Variants in SH3TC2 observed in about 807,000 individuals in gnomAD.
SH3TC2 encodes the protein SH3 domain and tetratricopeptide repeat-containing protein 2.
A neutral mutation model predicts 124.5 loss-of-function variants in SH3TC2; 87 were observed. The ratio of observed to expected loss-of-function variants is 0.70; its 90% confidence interval spans 0.59 to 0.84. SH3TC2 has a LOEUF of 0.84. Ranked by LOEUF, SH3TC2 falls within the 40% of genes least tolerant of loss-of-function variation. The pLI, the probability that SH3TC2 is intolerant of heterozygous loss-of-function variation, is 0.00. For missense variants in SH3TC2, 1,536 were observed against 1,566.4 expected, an observed-to-expected ratio of 0.98 and a Z score of 0.33; for synonymous variants, 634 against 628.5, an observed-to-expected ratio of 1.01 and a Z score of -0.13.
In SH3TC2 at chr5:148,984,626, G is replaced by A. The variant is rs1753304148; in HGVS notation, c.*20085C>T. 1.3e-5 allele frequency among the ~76,000 whole-genome samples: 2 copies of A among 152,092 alleles called. No homozygotes were observed. The highest frequency in any genetic ancestry group is 4.8e-5 in the African/African-American group (2 of 41,416). On this transcript the variant is annotated 3_prime_UTR_variant, in exon 17 of 17. Transcript: ENST00000515425. ...CAATGCTTCATATATCTCCAAGGTT[G>A]GTCTTTCAGGTTGGCATATAGGAAG...
At chr5:149,009,414 A>T (rs1398968993) in intron 14 of SH3TC2, among the ~76,000 whole-genome samples, 2 of 152,210 alleles carry the variant, frequency 1.3e-5, no homozygotes, top group African/African-American at 4.8e-5. Context: ...TTTTATCATG[A>T]TAGAATTTTA....
At position 149,044,643 on chromosome 5, in the gene SH3TC2, G is replaced by C; in HGVS notation, c.280-5C>G. 6.2e-7 allele frequency: 1 copy of C among 1,610,950 alleles called. No individual in the cohort carries two copies. The highest frequency in any genetic ancestry group is 8.5e-7 in the Non-Finnish European group (1 of 1,177,166). Reference sequence around the variant, plus strand: ...GACCAACCTTGCTGAGAGGTCCTACGTAAAGGAAACAATGAGTCAGCCTGG... The same window carrying C: ...GACCAACCTTGCTGAGAGGTCCTACCTAAAGGAAACAATGAGTCAGCCTGG... On this transcript the variant is annotated splice_polypyrimidine_tract_variant and splice_region_variant and intron_variant, in intron 3 of 16. Coordinates refer to ENST00000515425, the MANE Select transcript of SH3TC2 (RefSeq NM_024577.4).
At position 149,023,583 on chromosome 5, in the gene SH3TC2, C is replaced by CT. The variant is rs5872108; in HGVS notation, c.3053+2988dup. On this transcript the variant is annotated intron_variant, in intron 12 of 16. Coordinates refer to ENST00000515425, the MANE Select transcript of SH3TC2 (RefSeq NM_024577.4). The stretch of plus-strand genomic sequence containing the variant: ...TATAACCTTCAATAATAGTGTAATC[C>CT]TTTTTTTTTTTTTTTTTTGAGAGAC... 3.4e-4 allele frequency among the ~76,000 whole-genome samples: 36 copies of CT among 107,234 alleles called. 2 individuals carry two copies. Among genetic ancestry groups the CT allele is most frequent in the East Asian group, 1.2e-3 (5 of 4,014 alleles). 70.3% of individuals were successfully genotyped at this position (107,234 alleles called of 152,430 possible). A position where few individuals can be genotyped will look rare whatever the true frequency, so the allele number is the denominator to read the frequency against.
chr5:148,987,809 C>CTG lies in SH3TC2; in HGVS notation c.*16900_*16901dup, dbSNP rs71957589. 0.18 allele frequency among the ~76,000 whole-genome samples: 24,486 copies of CTG among 135,148 alleles called. 2,175 individuals carry two copies. The highest frequency in any genetic ancestry group is 0.19 in the Non-Finnish European group (12,203 of 63,188). The allele number at this position is 135,148 out of a possible 152,430, so 88.7% of individuals were successfully genotyped here. On this transcript the variant is annotated 3_prime_UTR_variant, in exon 17 of 17. Coordinates refer to ENST00000515425, the MANE Select transcript of SH3TC2 (RefSeq NM_024577.4). Reference sequence around the variant, plus strand: ...CCTCACTCGAGGCCTCATTCAAAATCTGTGTGTGTGTGTGTGTGTGTGTGT... The same window carrying CTG: ...CCTCACTCGAGGCCTCATTCAAAATCTGTGTGTGTGTGTGTGTGTGTGTGTGT...
intron 7 of SH3TC2, among the ~76,000 whole-genome samples, chr5:149,039,284 G>A (rs183320731): frequency 7.2e-5 from 11 of 152,284 alleles, no homozygotes; most frequent in Non-Finnish European, 1.3e-4. Flanking sequence ...CAAAGGGCAC[G>A]GAAACTATCA....
intron 8 of SH3TC2, among the ~76,000 whole-genome samples, chr5:149,037,551 T>A (rs1242919994): frequency 6.6e-6 from 1 of 152,196 alleles, no homozygotes; most frequent in African/African-American, 2.4e-5. Context: ...TGGGGCCACA[T>A]TTTCCCAGTG....
intron 3 of SH3TC2, chr5:149,047,200 T>G (rs1488846413): frequency 6.5e-6 from 1 of 153,168 alleles, no homozygotes. Flanking sequence ...CTACCTACTA[T>G]GAAAGATGAG....
intron 1 of SH3TC2, among the ~76,000 whole-genome samples, chr5:149,060,906 CA>C (rs1754735482): frequency 1.3e-5 from 2 of 152,214 alleles, no homozygotes; most frequent in South Asian, 4.1e-4. Context: ...CAAGGTCACA[CA>C]ACTATTAAGT....
intron 1 of SH3TC2, among the ~76,000 whole-genome samples, chr5:149,061,687 G>A (rs1048525123): frequency 6.6e-6 from 1 of 152,182 alleles, no homozygotes; most frequent in Non-Finnish European, 1.5e-5. Flanking sequence ...GAGTAGCCAA[G>A]ATGACAACTG....
At chr5:149,012,148 A>C (rs1172599409) in intron 13 of SH3TC2, among the ~76,000 whole-genome samples, 2 of 152,172 alleles carry the variant, frequency 1.3e-5, no homozygotes, top group Non-Finnish European at 2.9e-5. Context: ...ACTGTACCAC[A>C]TCTCTGATAT....
At position 148,985,778 on chromosome 5, in the gene SH3TC2, T is replaced by A. The variant is rs1189096423; in HGVS notation, c.*18933A>T. On this transcript the variant is annotated 3_prime_UTR_variant, in exon 17 of 17. Transcript: ENST00000515425. The stretch of plus-strand genomic sequence containing the variant: ...TGTATGTTTAATTTATAAGAAACTA[T>A]CAAAGCATTTTCCAAAACAGCTGTT... Among the ~76,000 whole-genome samples, 1 of 152,186 alleles carries A rather than the reference T, an allele frequency of 6.6e-6. No homozygotes were observed. Among genetic ancestry groups the A allele is most frequent in the Non-Finnish European group, 1.5e-5 (1 of 68,014 alleles).
At chr5:149,062,456 A>C in intron 1 of SH3TC2, 2 of 489,654 alleles carry the variant, frequency 4.1e-6, no homozygotes, top group Non-Finnish European at 8.4e-6. Context: ...ACAACTCTCC[A>C]TTGCCTCAAC....
intron 16 of SH3TC2, chr5:149,006,271 A>C: frequency 6.2e-6 from 1 of 160,460 alleles, no homozygotes; most frequent in Non-Finnish European, 1.4e-5. Context: ...AAAAAAAGCA[A>C]GCAAGCAAAA....
In SH3TC2 at chr5:148,987,783, T is replaced by C. The variant is rs760134609; in HGVS notation, c.*16928A>G. Among the ~76,000 whole-genome samples the C allele has an allele frequency of 1.1e-3, 166 of 151,304 alleles. No individual in the cohort carries two copies. The highest frequency in any genetic ancestry group is 3.4e-3 in the Middle Eastern group (1 of 294). ...AGCATGGGAAGCTCACCAAGTCATG[T>C]CCTCACTCGAGGCCTCATTCAAAAT... is the stretch of plus-strand genomic sequence containing the variant. On this transcript the variant is annotated 3_prime_UTR_variant, in exon 17 of 17. Coordinates refer to ENST00000515425, the MANE Select transcript of SH3TC2 (RefSeq NM_024577.4).
chr5:149,044,068 T>G (rs1304701218), intron 4 of SH3TC2: 1 of 184,896 alleles, frequency 5.4e-6, no homozygotes, highest in Non-Finnish European at 1.1e-5. Flanking sequence ...TAGGTTGCTA[T>G]AAGCAGATAA....
chr5:149,028,459 A>G lies in SH3TC2; in HGVS notation c.1273T>C (p.Ser425Pro). 2 of 1,612,924 alleles carry G rather than the reference A, an allele frequency of 1.2e-6. No individual in the cohort carries two copies. The highest frequency in any genetic ancestry group is 1.1e-5 in the South Asian group (1 of 91,006). Residue 425 changes from serine (S) to proline (P), a missense_variant, in exon 11 of 17, where the codon TCC (serine) becomes CCC (proline). Ser to Pro is a moderately conservative substitution (Grantham distance 74). Transcript: ENST00000515425. ...GSRQSSSSED[S>P]SLEEELLSAT... ...GAGAGGAGCTCCTCCTCCAGGCTGGAGTCCTCAGAGCTGCTGGACTGTCTG... is the reference window on the plus strand; with the variant it reads ...GAGAGGAGCTCCTCCTCCAGGCTGGGGTCCTCAGAGCTGCTGGACTGTCTG...
chr5:149,047,634 A>C (rs1268128153), intron 3 of SH3TC2: 1 of 541,042 alleles, frequency 1.8e-6, no homozygotes, highest in Non-Finnish European at 3.3e-6. Context: ...TTTGAAACCA[A>C]ATTTTCTCTG....
chr5:149,011,569 C>T (rs1753783443), intron 13 of SH3TC2, among the ~76,000 whole-genome samples: 1 of 152,174 alleles, frequency 6.6e-6, no homozygotes, highest in Non-Finnish European at 1.5e-5. Context: ...CTCTGAGCTT[C>T]CTCTGTAAAA....
At chr5:149,005,433 A>G (rs1753671236) in intron 16 of SH3TC2, among the ~76,000 whole-genome samples, 1 of 152,250 alleles carries the variant, frequency 6.6e-6, no homozygotes, top group Admixed American at 6.5e-5. Context: ...AGCTATCTGC[A>G]GTTAAATTTG....
Sources: allele counts gnomAD v4.1 joint callset (sites outside exome capture counted in the v4.1 genomes callset), GRCh38; gene constraint gnomAD v4.1.1; transcripts MANE v1.5; gene names NCBI Gene and HGNC (gene_info 2026-07-23, HGNC 2026-07-21).